The following PAPSS1 variants were observed in gnomAD, a reference collection of about 807,000 sequenced individuals.
PAPSS1 encodes 3'-phosphoadenosine 5'-phosphosulfate synthase 1, also known as bifunctional 3'-phosphoadenosine 5'-phosphosulfate synthase 1.
PAPSS1 carries 50 observed loss-of-function variants against 72.0 expected under a neutral mutation model. The observed-to-expected ratio is 0.69, with a 90% CI of 0.55 to 0.88. The LOEUF is 0.88. Ranked by LOEUF, PAPSS1 falls within the 40% of genes least tolerant of loss-of-function variation. PAPSS1 has a pLI of 0.00. For missense variants in PAPSS1, 657 were observed against 782.2 expected, an observed-to-expected ratio of 0.84 and a Z score of 1.91; for synonymous variants, 261 against 263.6, an observed-to-expected ratio of 0.99 and a Z score of 0.09.
chr4:107,644,021 A>C (rs2110310978), intron 10 of PAPSS1, among the ~76,000 whole-genome samples: 1 of 152,304 alleles, frequency 6.6e-6, no homozygotes, highest in Non-Finnish European at 1.5e-5. Flanking sequence ...GTCTAATGTG[A>C]GATGGCAAAC....
chr4:107,661,659 T>C (rs1316714465), intron 5 of PAPSS1, among the ~76,000 whole-genome samples: 2 of 152,124 alleles, frequency 1.3e-5, no homozygotes, highest in Non-Finnish European at 2.9e-5. Flanking sequence ...AAAAAGTCTG[T>C]TTTTTTAAAA....
At chr4:107,706,446 A>C (rs1268116303) in intron 1 of PAPSS1, among the ~76,000 whole-genome samples, 2 of 152,036 alleles carry the variant, frequency 1.3e-5, no homozygotes, top group Admixed American at 1.3e-4. Context: ...TAAATTTTTC[A>C]GCTCTAGAAT....
chr4:107,656,937 C>CT lies in PAPSS1; in HGVS notation c.853dup (p.Arg285LysfsTer10). ...AAAATGAAGGCACTGCAAGTACTCCCTCTCTCTCATAAAGCCATTCAATGG... is the reference window on the plus strand; with the variant it reads ...AAAATGAAGGCACTGCAAGTACTCCCTTCTCTCTCATAAAGCCATTCAATGG... On this transcript the variant is annotated frameshift_variant, in exon 7 of 12. Coordinates refer to ENST00000265174, the MANE Select transcript of PAPSS1 (RefSeq NM_005443.5). LOFTEE classifies it high-confidence loss of function. 1 of 1,613,292 alleles carries CT rather than the reference C, an allele frequency of 6.2e-7. No homozygotes were observed. Among genetic ancestry groups the CT allele is most frequent in the South Asian group, 1.1e-5 (1 of 91,052 alleles).
intron 5 of PAPSS1, among the ~76,000 whole-genome samples, chr4:107,662,219 C>G (rs1727199587): frequency 6.6e-6 from 1 of 152,178 alleles, no homozygotes; most frequent in Non-Finnish European, 1.5e-5. Flanking sequence ...TTTCTGGAAG[C>G]CTCTTGTCCC....
chr4:107,620,948 C>T (rs1725937890), intron 11 of PAPSS1, among the ~76,000 whole-genome samples: 1 of 152,198 alleles, frequency 6.6e-6, no homozygotes, highest in Non-Finnish European at 1.5e-5. Context: ...TCCTCCTAGA[C>T]CTCTTTACAG....
chr4:107,628,962 C>G (rs956891748), intron 11 of PAPSS1, among the ~76,000 whole-genome samples: 1 of 152,182 alleles, frequency 6.6e-6, no homozygotes, highest in Non-Finnish European at 1.5e-5. Context: ...AAAGTTAATA[C>G]AATTCTGTCA....
At chr4:107,681,190 T>G (rs1722582977) in intron 5 of PAPSS1, among the ~76,000 whole-genome samples, 1 of 151,998 alleles carries the variant, frequency 6.6e-6, no homozygotes, top group Non-Finnish European at 1.5e-5. Flanking sequence ...GGGTTCAAAC[T>G]CCAAAACCCA....
intron 8 of PAPSS1, among the ~76,000 whole-genome samples, chr4:107,653,912 T>C (rs1265428658): frequency 2.0e-5 from 3 of 152,240 alleles, no homozygotes; most frequent in Admixed American, 6.5e-5. Context: ...GTTATTATCA[T>C]ACATTTATTA....
chr4:107,668,915 C>T (rs555911891), intron 5 of PAPSS1, among the ~76,000 whole-genome samples: 1 of 152,204 alleles, frequency 6.6e-6, no homozygotes, highest in South Asian at 2.1e-4. Flanking sequence ...TTACATAATG[C>T]TGGTTAATGT....
chr4:107,636,563 A>G (rs542393925), intron 10 of PAPSS1, among the ~76,000 whole-genome samples: 4 of 152,150 alleles, frequency 2.6e-5, no homozygotes, highest in African/African-American at 9.6e-5. Flanking sequence ...TAAGAAATCA[A>G]AGGGGGTAAC....
chr4:107,695,569 G>A (rs28749916), intron 2 of PAPSS1, among the ~76,000 whole-genome samples: 2,496 of 152,150 alleles, frequency 0.016, 80 homozygotes, highest in African/African-American at 0.056. Context: ...GTCTTGTGCC[G>A]GTTTTCAAAG....
chr4:107,631,527 C>T, intron 11 of PAPSS1, 104 bp downstream of exon 11: 1 of 751,602 alleles, frequency 1.3e-6, no homozygotes, highest in Admixed American at 2.7e-5. Flanking sequence ...GACATGAGTA[C>T]CACAAAACCT....
In PAPSS1 at chr4:107,670,494, C is replaced by CA. The variant is rs777968090; in HGVS notation, c.670-10423dup. 2.6e-5 allele frequency among the ~76,000 whole-genome samples: 4 copies of CA among 152,250 alleles called. No individual in the cohort carries two copies. In the South Asian group the frequency reaches 8.3e-4, roughly 32 times the overall value. On this transcript the variant is annotated intron_variant, in intron 5 of 11. Coordinates refer to ENST00000265174, the MANE Select transcript of PAPSS1 (RefSeq NM_005443.5). ...ACCAAACTATGAAGAACTGTGAACA[C>CA]AAATCATCTTTCCTCTTTATTTGAT...
At chr4:107,635,421 G>T (rs1369549384) in intron 10 of PAPSS1, among the ~76,000 whole-genome samples, 4 of 152,110 alleles carry the variant, frequency 2.6e-5, no homozygotes, top group Non-Finnish European at 4.4e-5. Context: ...GAATTAAAGA[G>T]AAAAATATTT....
chr4:107,649,257 C>T (rs1331260056), intron 9 of PAPSS1, among the ~76,000 whole-genome samples: 1 of 152,220 alleles, frequency 6.6e-6, no homozygotes, highest in African/African-American at 2.4e-5. Flanking sequence ...CTCTTCTCCC[C>T]ACTATCATCT....
chr4:107,636,758 C>T (rs953339874), intron 10 of PAPSS1, among the ~76,000 whole-genome samples: 22 of 152,140 alleles, frequency 1.4e-4, no homozygotes, highest in African/African-American at 5.1e-4. Context: ...TATCTCATTT[C>T]ACCATTAGAC....
At chr4:107,625,925 T>C (rs1288822404) in intron 11 of PAPSS1, among the ~76,000 whole-genome samples, 3 of 151,366 alleles carry the variant, frequency 2.0e-5, no homozygotes, top group Non-Finnish European at 4.4e-5. Context: ...CTCATGCCTG[T>C]AATCCCAGCA....
chr4:107,649,044 G>C (rs924220213), intron 9 of PAPSS1, among the ~76,000 whole-genome samples: 4 of 152,172 alleles, frequency 2.6e-5, no homozygotes, highest in African/African-American at 7.2e-5. Flanking sequence ...ATTAAAGTAA[G>C]ATGTTGACTA....
chr4:107,614,342 A>T lies in PAPSS1; in HGVS notation c.1782T>A (p.Leu594=). The T allele has an allele frequency of 6.2e-7, 1 of 1,614,016 alleles. No individual in the cohort carries two copies. The highest frequency in any genetic ancestry group is 8.5e-7 in the Non-Finnish European group (1 of 1,179,900). Residue 594 remains leucine (L), a synonymous_variant, in exon 12 of 12, where the codon CTT becomes CTA. Coordinates refer to ENST00000265174, the MANE Select transcript of PAPSS1 (RefSeq NM_005443.5). ...CAGGTGGTTTCTGGCCTTCTCGAGC[A>T]AGTTTGCGCATTCGTGTTCCTGAAA... ...EFISGTRMRK[L]AREGQKPPEG...
Sources: allele counts gnomAD v4.1 joint callset (sites outside exome capture counted in the v4.1 genomes callset), GRCh38; gene constraint gnomAD v4.1.1; transcripts MANE v1.5; gene names NCBI Gene and HGNC (gene_info 2026-07-23, HGNC 2026-07-21).